Variants in SAMD4B observed in about 807,000 individuals in gnomAD.
SAMD4B encodes sterile alpha motif domain containing 4B.
A neutral mutation model predicts 74.5 loss-of-function variants in SAMD4B; 5 were observed. The ratio of observed to expected loss-of-function variants is 0.07; its 90% CI spans 0.04 to 0.14. SAMD4B has a LOEUF of 0.14. Among genes scored for constraint, SAMD4B ranks in the 10% least tolerant of loss-of-function variants. The pLI, the probability that SAMD4B is intolerant of heterozygous loss-of-function variation, is 1.00. For missense variants in SAMD4B, 608 were observed against 921.8 expected (o/e 0.66, Z 4.41); for synonymous variants, 373 against 374.9 (o/e 1.00, Z 0.06).
intron 4 of SAMD4B, among the ~76,000 whole-genome samples, chr19:39,374,271 A>C (rs532196021): frequency 4.1e-4 from 62 of 152,234 alleles, no homozygotes; most frequent in Admixed American, 7.2e-4. Flanking sequence ...CTCAAAAAAA[A>C]AAATCAAGTT....
Position 39,383,289 on chromosome 19 carries a change from G to A in SAMD4B, c.2054G>A (p.Gly685Asp). ...CTGAGCATGACAGAACACGCCTTGG[G>A]TGGTGAGCATTTCCTCTTTCCCTGA... ...LCLSMTEHAL[G>D]DGTDKTSTI Residue 685 changes from glycine to aspartate, a missense_variant and splice_region_variant, in exon 13 of 14, where the codon GGT (glycine) becomes GAT (aspartate). Around this residue, in one of 9 missense-constraint regions of SAMD4B, gnomAD observed 15 missense variants for 40.5 expected, o/e 0.37. Coordinates refer to ENST00000610417, the MANE Select transcript of SAMD4B (RefSeq NM_001384574.2). This position sits in a 1 kb window ranked among gnomAD's most constrained non-coding sequence, Gnocchi z 4.1. The A allele has an allele frequency of 6.2e-7, 1 of 1,614,048 alleles. No homozygotes were observed. Among genetic ancestry groups the A allele is most frequent in the Non-Finnish European group, 8.5e-7 (1 of 1,179,934 alleles).
Position 39,375,144 on chromosome 19 carries a change from C to CT in SAMD4B, c.668-505dup, listed in dbSNP as rs2077526530. On this transcript the variant is annotated intron_variant, in intron 4 of 13. Transcript: ENST00000610417. This position sits in a 1 kb window ranked among gnomAD's most constrained non-coding sequence, Gnocchi z 4.1. Reference sequence around the variant, plus strand: ...AGGGGAGTTTGGGAGGAGGCAAAGGCTAGAGAGGCATGAACCAAGTGGTGG... The same window carrying CT: ...AGGGGAGTTTGGGAGGAGGCAAAGGCTTAGAGAGGCATGAACCAAGTGGTGG... Among the ~76,000 whole-genome samples the CT allele has an allele frequency of 6.6e-6, 1 of 152,110 alleles. No homozygotes were observed. The highest frequency in any genetic ancestry group is 6.5e-5 in the Admixed American group (1 of 15,278).
chr19:39,343,287 A>C (rs1055667015), intron 1 of SAMD4B, among the ~76,000 whole-genome samples: 5 of 150,254 alleles, frequency 3.3e-5, no homozygotes, highest in African/African-American at 1.2e-4. Flanking sequence ...ACCTCCTTGG[A>C]GATTTTCCGC....
chr19:39,358,519 G>A (rs7253980), intron 3 of SAMD4B, among the ~76,000 whole-genome samples: 13,747 of 151,446 alleles, frequency 0.091, 1,577 homozygotes, highest in African/African-American at 0.28. Context: ...CAAAGTGCTG[G>A]GATTACAGGC....
chr19:39,389,564 G>A (rs1372813128), downstream of SAMD4B: 2 of 1,614,062 alleles, frequency 1.2e-6, no homozygotes, highest in African/African-American at 1.3e-5. This position sits in a 1 kb window ranked among gnomAD's most constrained non-coding sequence, Gnocchi z 5.3. Flanking sequence ...AGAGCGGGGG[G>A]CAGGAGGACC....
At chr19:39,381,463 G>A (rs569529243) in intron 12 of SAMD4B, among the ~76,000 whole-genome samples, 1 of 152,272 alleles carries the variant, frequency 6.6e-6, no homozygotes, top group South Asian at 2.1e-4. Context: ...AAGGGGTTGA[G>A]GGGATGGGAC....
intron 3 of SAMD4B, among the ~76,000 whole-genome samples, chr19:39,368,215 A>G (rs2077087915): frequency 6.6e-6 from 1 of 151,924 alleles, no homozygotes; most frequent in South Asian, 2.1e-4. Flanking sequence ...CTCCGCCTCA[A>G]AAAAAAAGAA....
chr19:39,377,461 C>T (rs1000951454), intron 7 of SAMD4B, 24 bp from the exon 8 acceptor site: 2 of 1,536,984 alleles, frequency 1.3e-6, no homozygotes, highest in Non-Finnish European at 1.8e-6. Flanking sequence ...TGCATGTGAC[C>T]CCAGCCTGTG....
chr19:39,377,905 C>T (rs1002700298), intron 8 of SAMD4B, 81 bp downstream of exon 8: 25 of 1,334,798 alleles, frequency 1.9e-5, no homozygotes, highest in South Asian at 1.4e-4. Context: ...AATCCAAGTT[C>T]GATGGTGGGA....
intron 9 of SAMD4B, among the ~76,000 whole-genome samples, chr19:39,379,624 G>A (rs1489322138): frequency 1.3e-5 from 2 of 152,258 alleles, no homozygotes; most frequent in Middle Eastern, 3.4e-3. Flanking sequence ...AGGCTGGAGT[G>A]CAATGGCGCA....
chr19:39,387,282 G>A (rs1367119213), downstream of SAMD4B: 12 of 335,102 alleles, frequency 3.6e-5, no homozygotes, highest in Non-Finnish European at 6.2e-5. Context: ...CATAGAAAAG[G>A]TATAGTAAAG....
At position 39,370,036 on chromosome 19, in the gene SAMD4B, A is replaced by G. The variant is rs746313910; in HGVS notation, c.578A>G (p.Lys193Arg). Residue 193 changes from lysine to arginine, a missense_variant, in exon 4 of 14, where the codon AAG (lysine) becomes AGG (arginine). By Grantham distance (26) the Lys-to-Arg change is conservative. Transcript: ENST00000610417. Reference sequence around the variant, plus strand: ...GAGGCAGGGCCAGGCTGGCAGGACAAGCCACCCCGGGAAAATGGACACGTG... The same window carrying G: ...GAGGCAGGGCCAGGCTGGCAGGACAGGCCACCCCGGGAAAATGGACACGTG... ...PGEAGPGWQD[K>R]PPRENGHVPF... 1.2e-6 allele frequency: 2 copies of G among 1,612,166 alleles called. No homozygotes were observed. The highest frequency in any genetic ancestry group is 2.2e-5 in the South Asian group (2 of 90,740).
At chr19:39,388,490 A>G, downstream of SAMD4B, 1 of 1,614,164 alleles carries the variant, frequency 6.2e-7, no homozygotes, top group Non-Finnish European at 8.5e-7. Flanking sequence ...GCACAGGTTC[A>G]GCCCCATTTC....
chr19:39,375,398 C>T lies in SAMD4B; in HGVS notation c.668-252C>T, dbSNP rs2077541166. Among the ~76,000 whole-genome samples, 1 of 152,172 alleles carries T rather than the reference C, an allele frequency of 6.6e-6. No homozygotes were observed. The highest frequency in any genetic ancestry group is 1.5e-5 in the Non-Finnish European group (1 of 68,024). ...GAGGAGGCTGTGGCAGTAATTCCTG[C>T]CAGGGGTGCTGGTGGCTTGAGCCAG... On this transcript the variant is annotated intron_variant, in intron 4 of 13. Coordinates refer to ENST00000610417, the MANE Select transcript of SAMD4B (RefSeq NM_001384574.2). The surrounding 1 kb of genome is among the most constrained non-coding windows in gnomAD (Gnocchi z 4.1).
In SAMD4B at chr19:39,381,165, T is replaced by C. The variant is rs562791576; in HGVS notation, c.1972+52T>C. The C allele has an allele frequency of 2.8e-5, 42 of 1,525,852 alleles. No homozygotes were observed. In the South Asian group the frequency reaches 5.4e-4, roughly 19 times the overall value. 94.5% of individuals were successfully genotyped at this position (1,525,852 alleles called of 1,614,324 possible). On this transcript the variant is annotated intron_variant, in intron 12 of 13. Coordinates refer to ENST00000610417, the MANE Select transcript of SAMD4B (RefSeq NM_001384574.2). The stretch of plus-strand genomic sequence containing the variant: ...GCCTGGCCAACATCCTCAGCTGACC[T>C]TTCTTTTTTCTCCTGGGTCTCATGT...
intron 1 of SAMD4B, among the ~76,000 whole-genome samples, chr19:39,345,829 G>T (rs978702518): frequency 7.2e-5 from 11 of 152,098 alleles, no homozygotes; most frequent in African/African-American, 2.4e-4. Context: ...CCTCATTCAG[G>T]TTTAGTACAC....
rs1461049461 is a variant in SAMD4B at position 39,375,015 on chromosome 19, G to A, written c.668-635G>A. ...GTAGGCCTCAGAGGAGGCGACACTTGAGATGAGACTTGAGGGAGCCAACCG... is the reference window on the plus strand; with the variant it reads ...GTAGGCCTCAGAGGAGGCGACACTTAAGATGAGACTTGAGGGAGCCAACCG... On this transcript the variant is annotated intron_variant, in intron 4 of 13. Coordinates refer to ENST00000610417, the MANE Select transcript of SAMD4B (RefSeq NM_001384574.2). This position sits in a 1 kb window ranked among gnomAD's most constrained non-coding sequence, Gnocchi z 4.1. Among the ~76,000 whole-genome samples the A allele has an allele frequency of 6.6e-6, 1 of 152,170 alleles. No individual in the cohort carries two copies. Among genetic ancestry groups the A allele is most frequent in the Non-Finnish European group, 1.5e-5 (1 of 68,024 alleles).
At chr19:39,344,015 G>T (rs2075529173) in intron 1 of SAMD4B, among the ~76,000 whole-genome samples, 1 of 103,924 alleles carries the variant, frequency 9.6e-6, no homozygotes, top group Non-Finnish European at 2.0e-5. Flanking sequence ...ACAGCTTAGA[G>T]ACCCCAGCGA....
downstream of SAMD4B, chr19:39,388,863 C>T (rs1276718399): frequency 6.2e-7 from 1 of 1,613,764 alleles, no homozygotes; most frequent in Non-Finnish European, 8.5e-7. Context: ...GATTGATCCA[C>T]ATCTAGGGAG....
Sources: allele counts gnomAD v4.1 joint callset (sites outside exome capture counted in the v4.1 genomes callset), GRCh38; gene constraint gnomAD v4.1.1; regional missense constraint gnomAD v4.1.1; non-coding constraint Gnocchi (gnomAD v3.1); transcripts MANE v1.5; gene names NCBI Gene and HGNC (gene_info 2026-07-23, HGNC 2026-07-21).